The following ZNF486 variants were observed in gnomAD, a reference collection of about 807,000 sequenced individuals.
The protein encoded by ZNF486 is zinc finger protein 486, also known as KRAB box only protein 2.
In ZNF486, 12 loss-of-function variants were observed where a neutral mutation model predicts 12.8. The ratio of observed to expected loss-of-function variants is 0.94; its 90% confidence interval spans 0.60 to 1.52. The LOEUF (loss-of-function observed/expected upper bound fraction) is 1.52, where lower values mean the gene tolerates loss of function less well. Among genes scored for constraint, ZNF486 ranks in the 40% most tolerant of loss-of-function variants. The pLI, the probability that ZNF486 is intolerant of heterozygous loss-of-function variation, is 0.00. For missense variants in ZNF486, 738 were observed against 545.0 expected, an observed-to-expected ratio of 1.35 and a Z score of -3.53; for synonymous variants, 231 against 184.9, an observed-to-expected ratio of 1.25 and a Z score of -2.02.
chr19:20,180,836 C>CT lies in ZNF486; in HGVS notation c.31-3512dup, dbSNP rs1234127388. Among the ~76,000 whole-genome samples the CT allele has an allele frequency of 2.8e-3, 423 of 152,110 alleles. 2 individuals are homozygous for CT. Among genetic ancestry groups the CT allele is most frequent in the African/African-American group, 9.3e-3 (388 of 41,500 alleles). On this transcript the variant is annotated intron_variant, in intron 1 of 3. Transcript: ENST00000335117. ...AGTGCACCCAGCTGTATAATTTCTA[C>CT]TTTTTTTTACCTTCTAAAGTGTACA...
chr19:20,175,789 C>T (rs1437579062), intron 1 of ZNF486, among the ~76,000 whole-genome samples: 2 of 152,364 alleles, frequency 1.3e-5, no homozygotes, highest in African/African-American at 2.4e-5. Flanking sequence ...CCTTTCCCCC[C>T]TTTCTATTCC....
chr19:20,171,501 A>G (rs868942802), intron 1 of ZNF486, among the ~76,000 whole-genome samples: 4 of 152,272 alleles, frequency 2.6e-5, no homozygotes, highest in Middle Eastern at 6.8e-3. Flanking sequence ...ACAAGTCTCT[A>G]CAAGTCTACT....
At chr19:20,173,811 G>C (rs1314349100) in intron 1 of ZNF486, among the ~76,000 whole-genome samples, 11 of 150,868 alleles carry the variant, frequency 7.3e-5, no homozygotes, top group African/African-American at 2.7e-4. Flanking sequence ...CAGCCTGGGG[G>C]ACAGAGCGAG....
chr19:20,168,559 C>A (rs1405482481), intron 1 of ZNF486, among the ~76,000 whole-genome samples: 1 of 151,556 alleles, frequency 6.6e-6, no homozygotes, highest in South Asian at 2.1e-4. Flanking sequence ...GAGGCTGAGG[C>A]AGGAGAGTTG....
rs201038502 is a variant in ZNF486 at position 20,197,901 on chromosome 19, G to A, written c.1191G>A (p.Arg397=). The change falls in exon 4 of 4, where the codon AGG becomes AGA. Residue 397 remains arginine (R), a synonymous_variant. Coordinates refer to ENST00000335117, the MANE Select transcript of ZNF486 (RefSeq NM_052852.4). The stretch of plus-strand genomic sequence containing the variant: ...GGTCTGCAGGCCTCCATAAACATAG[G>A]AGAACTCATACTGGAGAGAAACCCT... ...FTWSAGLHKH[R]RTHTGEKPYK... 683 of 1,613,364 alleles carry A rather than the reference G, an allele frequency of 4.2e-4. 1 individual carries two copies. Among genetic ancestry groups the A allele is most frequent in the Non-Finnish European group, 5.5e-4 (650 of 1,179,888 alleles).
At chr19:20,193,597 G>A (rs113788439) in intron 3 of ZNF486, among the ~76,000 whole-genome samples, 1,971 of 152,018 alleles carry the variant, frequency 0.013, 44 homozygotes, top group African/African-American at 0.044. Flanking sequence ...GAAGGCGGAC[G>A]TTGCAGTGAG....
At chr19:20,168,944 A>T (rs1356090381) in intron 1 of ZNF486, among the ~76,000 whole-genome samples, 11 of 151,280 alleles carry the variant, frequency 7.3e-5, no homozygotes, top group Non-Finnish European at 1.5e-4. Flanking sequence ...GGGTTCAAGC[A>T]GTTCTCCTGC....
At chr19:20,176,473 C>T (rs1195141391) in intron 1 of ZNF486, 37 of 209,530 alleles carry the variant, frequency 1.8e-4, no homozygotes, top group Middle Eastern at 2.0e-3. Flanking sequence ...CCAAGGCAGG[C>T]GGCTGGGAGG....
At chr19:20,180,379 G>T (rs561524566) in intron 1 of ZNF486, among the ~76,000 whole-genome samples, 129 of 152,148 alleles carry the variant, frequency 8.5e-4, no homozygotes, top group Non-Finnish European at 1.6e-3. Context: ...AAAAATACGT[G>T]AAGCAGTCAT....
intron 1 of ZNF486, among the ~76,000 whole-genome samples, chr19:20,177,445 G>T (rs2089732211): frequency 3.3e-5 from 5 of 152,216 alleles, no homozygotes; most frequent in African/African-American, 4.8e-5. Context: ...GTAGATTTAA[G>T]ATGAACGATG....
chr19:20,173,469 C>G (rs1420381123), intron 1 of ZNF486, among the ~76,000 whole-genome samples: 4 of 152,092 alleles, frequency 2.6e-5, no homozygotes, highest in Non-Finnish European at 4.4e-5. Context: ...TTTAACCCCA[C>G]TAACGTTCTT....
At chr19:20,176,132 C>G (rs1303099427) in intron 1 of ZNF486, 1 of 177,600 alleles carries the variant, frequency 5.6e-6, no homozygotes, top group Non-Finnish European at 1.2e-5. Flanking sequence ...CAGAGACGCT[C>G]CTCACCTCCC....
At chr19:20,189,327 C>A (rs1458360357) in intron 3 of ZNF486, among the ~76,000 whole-genome samples, 1 of 152,198 alleles carries the variant, frequency 6.6e-6, no homozygotes, top group Non-Finnish European at 1.5e-5. Flanking sequence ...ACCTTGGCCT[C>A]CCAAAGTGCT....
At chr19:20,196,829 G>T in intron 3 of ZNF486, 135 bp from the exon 4 acceptor site, 4 of 1,186,996 alleles carry the variant, frequency 3.4e-6, no homozygotes, top group Non-Finnish European at 4.5e-6. Flanking sequence ...ATATGTCCAG[G>T]AAGAAATTAC....
intron 1 of ZNF486, among the ~76,000 whole-genome samples, chr19:20,168,250 T>C (rs1273262727): frequency 2.0e-5 from 3 of 152,116 alleles, no homozygotes; most frequent in Non-Finnish European, 4.4e-5. Context: ...TCCCAGCTAC[T>C]TGGGAGGCTG....
At chr19:20,184,229 T>C (rs542794301) in intron 1 of ZNF486, 127 bp from the exon 2 acceptor site, 11 of 1,398,800 alleles carry the variant, frequency 7.9e-6, no homozygotes, top group Admixed American at 2.3e-5. Flanking sequence ...TTGAAAATTA[T>C]TTTATTGGAT....
rs1161318030 is a variant in ZNF486 at position 20,185,438 on chromosome 19, T to G, written c.158-549T>G. Among the ~76,000 whole-genome samples the G allele has an allele frequency of 2.3e-5, 3 of 130,142 alleles. No individual in the cohort carries two copies. In the East Asian group the frequency reaches 6.7e-4, roughly 29 times the overall value. The allele number at this position is 130,142 out of a possible 152,430, so 85.4% of individuals were successfully genotyped here. Reference sequence around the variant, plus strand: ...TTTTTTTTTTTTTTTTGAGATGGAGTCTCGCTCTGTTGCCCAGGCTGGAGT... The same window carrying G: ...TTTTTTTTTTTTTTTTGAGATGGAGGCTCGCTCTGTTGCCCAGGCTGGAGT... On this transcript the variant is annotated intron_variant, in intron 2 of 3. Transcript: ENST00000335117.
intron 1 of ZNF486, among the ~76,000 whole-genome samples, chr19:20,183,396 T>C (rs1025139823): frequency 4.6e-5 from 7 of 152,234 alleles, no homozygotes; most frequent in Admixed American, 3.3e-4. Context: ...AAAGAAATTA[T>C]TAGGAGATAC....
chr19:20,177,935 C>CTTTTTTTTTTTTTTTTTTTTTTT (rs1241165221), intron 1 of ZNF486, among the ~76,000 whole-genome samples: 6 of 145,094 alleles, frequency 4.1e-5, no homozygotes, highest in African/African-American at 1.3e-4. Context: ...AACATTTGTT[C>CTTTTTTTTTTTTTTTTTTTTTTT]TTTTTTTTTG....
Sources: gnomAD v4.1 joint callset for allele counts (sites outside exome capture counted in the v4.1 genomes callset) on GRCh38, gnomAD v4.1.1 for gene constraint, MANE v1.5 for transcripts, NCBI Gene and HGNC (gene_info 2026-07-23, HGNC 2026-07-21) for gene names.